CHRND: variants seen among roughly 807,000 people sequenced by gnomAD.
CHRND encodes acetylcholine receptor subunit delta.
Under a neutral mutation model 57.8 loss-of-function variants are expected in CHRND, and 40 were observed. The observed-to-expected ratio is 0.69, with a 90% CI of 0.54 to 0.90. The LOEUF is 0.90. Among genes scored for constraint, CHRND ranks in the 40% least tolerant of loss-of-function variants. CHRND has a pLI of 0.00. For missense variants in CHRND, 634 were observed against 673.9 expected (o/e 0.94, Z 0.66); for synonymous variants, 237 against 270.6 (o/e 0.88, Z 1.22).
At position 232,526,636 on chromosome 2, in the gene CHRND, G is replaced by A. The variant is rs369869476; in HGVS notation, c.160G>A (p.Val54Ile). Residue 54 changes from valine (V) to isoleucine (I), a missense_variant, in exon 2 of 12, where the codon GTT becomes ATT. Physicochemically the swap from Val to Ile is conservative, Grantham distance 29. Coordinates refer to ENST00000258385, the MANE Select transcript of CHRND (RefSeq NM_000751.3). Reference protein sequence around the residue: ...PVAHKEESVDVALALTLSNLI... With the variant: ...PVAHKEESVDIALALTLSNLI... Reference sequence around the variant, plus strand: ...GGCACACAAAGAGGAGAGTGTGGACGTTGCCCTGGCCCTCACACTCTCCAA... The same window carrying A: ...GGCACACAAAGAGGAGAGTGTGGACATTGCCCTGGCCCTCACACTCTCCAA... 3.8e-5 allele frequency: 62 copies of A among 1,613,568 alleles called. No homozygotes were observed. The highest frequency in any genetic ancestry group is 4.0e-5 in the African/African-American group (3 of 74,944).
chr2:232,529,346 C>T (rs918062538), intron 6 of CHRND, among the ~76,000 whole-genome samples: 1 of 152,150 alleles, frequency 6.6e-6, no homozygotes, highest in African/African-American at 2.4e-5. Context: ...CTGTGTTATC[C>T]TGATGGGGGT....
intron 7 of CHRND, 35 bp from the exon 8 acceptor site, chr2:232,531,317 T>C (rs553886556): frequency 7.0e-7 from 1 of 1,425,860 alleles, no homozygotes; most frequent in Admixed American, 1.7e-5. Context: ...CTAGGACCGG[T>C]GCCCCAAGGT....
intron 2 of CHRND, 92 bp from the exon 3 acceptor site, chr2:232,527,309 A>AG: frequency 1.7e-6 from 2 of 1,153,380 alleles, no homozygotes; most frequent in Non-Finnish European, 2.6e-6. Flanking sequence ...CTGGAAAAAA[A>AG]AAGAGAGAGA....
At chr2:232,526,403 C>A (rs1170264070) in intron 1 of CHRND, 126 bp from the exon 2 acceptor site, 2 of 1,542,268 alleles carry the variant, frequency 1.3e-6, no homozygotes, top group Non-Finnish European at 1.8e-6. Flanking sequence ...GGTCCCCACT[C>A]CCAGGGAGTG....
chr2:232,534,301 T>G lies in CHRND; in HGVS notation c.1330T>G (p.Phe444Val). The change falls in exon 11 of 12, where the codon TTC becomes GTC. Residue 444 changes from phenylalanine to valine, a missense_variant. Transcript: ENST00000258385. ...GAAGCCAGCTGTGGATGGGGCAAAC[T>G]TCATTGTTAACCACATGAGGGACCA... ...ELKPAVDGAN[F>V]IVNHMRDQNN... 6.2e-7 allele frequency: 1 copy of G among 1,614,174 alleles called. No homozygotes were observed. The highest frequency in any genetic ancestry group is 8.5e-7 in the Non-Finnish European group (1 of 1,180,038).
chr2:232,531,671 C>CG lies in CHRND; in HGVS notation c.1047+17dup, dbSNP rs781097743. The CG allele has an allele frequency of 4.4e-6, 7 of 1,601,698 alleles. No individual in the cohort carries two copies. The South Asian group carries it at 7.7e-5, about 18-fold the overall frequency. ...GGGTCAAGAAGGTGAGTACTTGGCC[C>CG]GGCGCAAAAGCTCACCACTGTAATC... On this transcript the variant is annotated intron_variant, in intron 9 of 11. Coordinates refer to ENST00000258385, the MANE Select transcript of CHRND (RefSeq NM_000751.3).
At chr2:232,527,296 A>T in intron 2 of CHRND, 105 bp from the exon 3 acceptor site, 2 of 1,028,652 alleles carry the variant, frequency 1.9e-6, no homozygotes, top group Non-Finnish European at 3.1e-6. Flanking sequence ...ATTGAGCAAG[A>T]CCCTGGAAAA....
chr2:232,534,517 C>T lies in CHRND; in HGVS notation c.1371+175C>T, dbSNP rs147277074. ...GGGAGAGAGAACTCCTGCCTGGCAC[C>T]CTATAGCAGCACTGGGGCCAGGCAC... is the stretch of plus-strand genomic sequence containing the variant. On this transcript the variant is annotated intron_variant, in intron 11 of 11. Transcript: ENST00000258385. 5.3e-3 allele frequency among the ~76,000 whole-genome samples: 807 copies of T among 152,138 alleles called. 6 individuals carry two copies. The highest frequency in any genetic ancestry group is 0.017 in the African/African-American group (725 of 41,470).
chr2:232,535,681 C>T lies in CHRND; in HGVS notation c.*369C>T, dbSNP rs186823492. The T allele has an allele frequency of 8.4e-6, 4 of 476,320 alleles. No individual in the cohort carries two copies. The East Asian group carries it at 1.9e-4, about 22-fold the overall frequency. 29.5% of individuals were successfully genotyped at this position (476,320 alleles called of 1,614,324 possible). A position where few individuals can be genotyped will look rare whatever the true frequency, so the allele number is the denominator to read the frequency against. ...CCCCCAAGGTGTGGGGTAGAGCAGG[C>T]AGGAATCTGCGCCTTCACTCTCTGG... is the stretch of plus-strand genomic sequence containing the variant. On this transcript the variant is annotated 3_prime_UTR_variant, in exon 12 of 12. Coordinates refer to ENST00000258385, the MANE Select transcript of CHRND (RefSeq NM_000751.3).
chr2:232,532,805 G>A (rs1440072039), intron 9 of CHRND, among the ~76,000 whole-genome samples: 2 of 152,200 alleles, frequency 1.3e-5, no homozygotes, highest in African/African-American at 4.8e-5. Context: ...TGGGGATCAT[G>A]TTCACTATCT....
At chr2:232,526,982 T>C (rs1691496405) in intron 2 of CHRND, among the ~76,000 whole-genome samples, 1 of 152,128 alleles carries the variant, frequency 6.6e-6, no homozygotes, top group Admixed American at 6.5e-5. Context: ...GATGCCACGG[T>C]TTCCCTGGGT....
At chr2:232,526,872 C>T (rs555255784) in intron 2 of CHRND, among the ~76,000 whole-genome samples, 198 bp downstream of exon 2, 1 of 152,330 alleles carries the variant, frequency 6.6e-6, no homozygotes, top group South Asian at 2.1e-4. Flanking sequence ...CCCCCAACCA[C>T]ACCCATAGCA....
intron 6 of CHRND, among the ~76,000 whole-genome samples, chr2:232,529,466 C>T (rs1274717599): frequency 6.6e-6 from 1 of 152,214 alleles, no homozygotes; most frequent in African/African-American, 2.4e-5. Context: ...CTCACTGTCT[C>T]AGGCTGGCAC....
In CHRND at chr2:232,529,970, G is replaced by A. The variant is rs146205427; in HGVS notation, c.651G>A (p.Pro217=). The A allele has an allele frequency of 3.4e-4, 543 of 1,614,050 alleles. No homozygotes were observed. The highest frequency in any genetic ancestry group is 3.7e-4 in the Non-Finnish European group (432 of 1,180,006). ...GGGAGTGGGAGATAGTCCACCGGCC[G>A]GCCAGGGTCAACGTGGACCCCAGAG... ...ENGEWEIVHR[P]ARVNVDPRAP... Residue 217 remains proline (P), a synonymous_variant, in exon 7 of 12, where the codon CCG becomes CCA. Transcript: ENST00000258385.
intron 2 of CHRND, 119 bp from the exon 3 acceptor site, chr2:232,527,282 G>T: frequency 1.1e-6 from 1 of 923,482 alleles, no homozygotes; most frequent in Non-Finnish European, 1.8e-6. Flanking sequence ...CTCCATCCTG[G>T]GCAATTGAGC....
rs551089154 is a variant in CHRND, at chr2:232,533,802, G to T, written c.1048-129G>T. On this transcript the variant is annotated intron_variant, in intron 9 of 11. Transcript: ENST00000258385. ...CTGAGGCAAGAAATCACTTGAACCC[G>T]AGAGGTGGAGGTTGCAGTGAGCCGA... The T allele has an allele frequency of 2.1e-3, 1,940 of 929,378 alleles. 1 individual carries two copies. Among genetic ancestry groups the T allele is most frequent in the Non-Finnish European group, 3.0e-3 (1,706 of 573,336 alleles). The allele number at this position is 929,378 out of a possible 1,614,324, so 57.6% of individuals were successfully genotyped here. A position where few individuals can be genotyped will look rare whatever the true frequency, so the allele number is the denominator to read the frequency against.
In CHRND at chr2:232,531,482, C is replaced by G; in HGVS notation, c.932+19C>G. 2 of 1,612,940 alleles carry G rather than the reference C, an allele frequency of 1.2e-6. No individual in the cohort carries two copies. The highest frequency in any genetic ancestry group is 1.3e-5 in the African/African-American group (1 of 75,004). On this transcript the variant is annotated intron_variant, in intron 8 of 11. Coordinates refer to ENST00000258385, the MANE Select transcript of CHRND (RefSeq NM_000751.3). ...TCGGCAAGTGAGTGACGCTCAAGCC[C>G]GGCCTCACCCTGCTTGCCAGCCCAG...
Position 232,535,356 on chromosome 2 carries a change from G to A in CHRND, c.*44G>A, listed in dbSNP as rs776617732. ...CCAGGAGACAGCAGGGTCTGAGAGA[G>A]GAGCCACAGTCCCTAATGACACCCA... On this transcript the variant is annotated 3_prime_UTR_variant, in exon 12 of 12. Transcript: ENST00000258385. 1 of 1,603,618 alleles carries A rather than the reference G, an allele frequency of 6.2e-7. No individual in the cohort carries two copies. The highest frequency in any genetic ancestry group is 1.7e-5 in the Admixed American group (1 of 60,006).
chr2:232,531,339 C>G lies in CHRND; in HGVS notation c.821-13C>G, dbSNP rs1298513549. ...CGGTGCCCCAAGGTCACAGCTAAGT[C>G]TGGCTTCCCCAGGTGGTGAGAAGAC... On this transcript the variant is annotated splice_polypyrimidine_tract_variant and intron_variant, in intron 7 of 11. Coordinates refer to ENST00000258385, the MANE Select transcript of CHRND (RefSeq NM_000751.3). The G allele has an allele frequency of 1.2e-6, 2 of 1,603,402 alleles. No individual in the cohort carries two copies. The highest frequency in any genetic ancestry group is 4.5e-5 in the East Asian group (2 of 44,816).
Sources: gnomAD v4.1 joint callset for allele counts (sites outside exome capture counted in the v4.1 genomes callset) on GRCh38, gnomAD v4.1.1 for gene constraint, MANE v1.5 for transcripts, NCBI Gene and HGNC (gene_info 2026-07-23, HGNC 2026-07-21) for gene names.